The following PLXDC2 variants were observed in gnomAD, a reference collection of about 807,000 sequenced individuals.
PLXDC2 encodes plexin domain containing 2.
In PLXDC2, 40 loss-of-function variants were observed where a neutral mutation model predicts 68.9. That is an observed-to-expected ratio of 0.58 (90% CI 0.45 to 0.76). The LOEUF (loss-of-function observed/expected upper bound fraction) is 0.76. Ranked by LOEUF, PLXDC2 falls within the 30% of genes least tolerant of loss-of-function variation. PLXDC2 has a pLI of 0.00. For missense variants in PLXDC2, 644 were observed against 661.9 expected (o/e 0.97, Z 0.30); for synonymous variants, 243 against 234.2 (o/e 1.04, Z -0.34).
chr10:20,110,136 G>A (rs1382323926), intron 4 of PLXDC2, among the ~76,000 whole-genome samples: 2 of 152,194 alleles, frequency 1.3e-5, no homozygotes, highest in South Asian at 2.1e-4. Context: ...AGACTGCTCA[G>A]GAAGAAGACA....
intron 1 of PLXDC2, among the ~76,000 whole-genome samples, chr10:19,950,634 G>T (rs955256755): frequency 1.3e-5 from 2 of 152,094 alleles, no homozygotes; most frequent in Non-Finnish European, 2.9e-5. Context: ...ATTTTTGACA[G>T]AATTAGAACA....
intron 13 of PLXDC2, among the ~76,000 whole-genome samples, chr10:20,254,602 G>T (rs140746653): frequency 6.6e-6 from 1 of 152,008 alleles, no homozygotes; most frequent in Non-Finnish European, 1.5e-5. Context: ...CTTAGCCGAA[G>T]AAAAAGATGG....
intron 4 of PLXDC2, among the ~76,000 whole-genome samples, chr10:20,115,961 C>A (rs1301259720): frequency 2.0e-5 from 3 of 152,098 alleles, no homozygotes; most frequent in South Asian, 2.1e-4. Flanking sequence ...GCACGATGAC[C>A]CTTTTTATTC....
intron 2 of PLXDC2, among the ~76,000 whole-genome samples, chr10:20,032,738 C>T (rs1236741409): frequency 1.3e-5 from 2 of 151,860 alleles, no homozygotes; most frequent in Non-Finnish European, 2.9e-5. Context: ...GCTAGTGAAG[C>T]TACTCCATAT....
chr10:19,987,140 T>G (rs2131624669), intron 1 of PLXDC2, among the ~76,000 whole-genome samples: 1 of 152,246 alleles, frequency 6.6e-6, no homozygotes, highest in South Asian at 2.1e-4. Flanking sequence ...ACAAGTGAGG[T>G]TAATCCCATT....
chr10:20,166,437 G>A (rs956617562), intron 7 of PLXDC2, among the ~76,000 whole-genome samples: 2 of 152,190 alleles, frequency 1.3e-5, no homozygotes, highest in South Asian at 2.1e-4. Flanking sequence ...GTATGTGTAG[G>A]CAACATAAAG....
chr10:20,141,782 C>T (rs1834010128), intron 4 of PLXDC2, among the ~76,000 whole-genome samples: 1 of 151,890 alleles, frequency 6.6e-6, no homozygotes, highest in Non-Finnish European at 1.5e-5. Flanking sequence ...GACCAAATCA[C>T]CATAATATGT....
chr10:20,115,175 G>A (rs985307235), intron 4 of PLXDC2, among the ~76,000 whole-genome samples: 2 of 152,074 alleles, frequency 1.3e-5, no homozygotes, highest in Non-Finnish European at 2.9e-5. Flanking sequence ...ACCTGTCACC[G>A]GCACACCCAG....
intron 1 of PLXDC2, among the ~76,000 whole-genome samples, chr10:19,986,559 A>G (rs1834643994): frequency 8.0e-6 from 1 of 124,930 alleles, no homozygotes; most frequent in Non-Finnish European, 1.9e-5. Context: ...AAAGAAAAAG[A>G]AAAAGACATA....
chr10:20,161,995 C>G (rs1417053804), intron 6 of PLXDC2, among the ~76,000 whole-genome samples: 1 of 149,176 alleles, frequency 6.7e-6, no homozygotes, highest in African/African-American at 2.5e-5. Context: ...GCACTCCAGC[C>G]TGGACAACAA....
At position 19,904,530 on chromosome 10, in the gene PLXDC2, G is replaced by A. The variant is rs531356378; in HGVS notation, c.112+87339G>A. Among the ~76,000 whole-genome samples the A allele has an allele frequency of 3.9e-5, 6 of 152,106 alleles. No individual in the cohort carries two copies. The South Asian group carries it at 1.2e-3, about 32-fold the overall frequency. ...TTGAGTCTGTTTCCAGGCAACTGGT[G>A]ACCAGGGCTGAGAACTTCCCCAGAC... On this transcript the variant is annotated intron_variant, in intron 1 of 13. Transcript: ENST00000377252.
chr10:19,934,824 G>C (rs1286011963), intron 1 of PLXDC2, among the ~76,000 whole-genome samples: 1 of 152,092 alleles, frequency 6.6e-6, no homozygotes, highest in Admixed American at 6.5e-5. Context: ...ATAATGATAG[G>C]GTCTTCATCA....
At chr10:19,877,493 GT>G in intron 1 of PLXDC2, among the ~76,000 whole-genome samples, 1 of 152,210 alleles carries the variant, frequency 6.6e-6, no homozygotes, top group Non-Finnish European at 1.5e-5. Context: ...ATGTGACTAA[GT>G]TTTTGCCCAT....
intron 9 of PLXDC2, among the ~76,000 whole-genome samples, chr10:20,178,889 T>A (rs1338108702): frequency 6.6e-6 from 1 of 151,816 alleles, no homozygotes; most frequent in East Asian, 1.9e-4. Context: ...TTTGCAGTTT[T>A]AAAAGGAGAT....
chr10:19,877,534 C>T (rs918131384), intron 1 of PLXDC2, among the ~76,000 whole-genome samples: 2 of 152,152 alleles, frequency 1.3e-5, no homozygotes, highest in African/African-American at 4.8e-5. Flanking sequence ...TGCAAAATCT[C>T]TCTTACTTTT....
chr10:20,244,191 T>A (rs767830760), intron 12 of PLXDC2, among the ~76,000 whole-genome samples: 3 of 152,232 alleles, frequency 2.0e-5, no homozygotes, highest in Non-Finnish European at 4.4e-5. Context: ...GCACTTAAGA[T>A]ACAACTTACT....
chr10:19,961,525 A>AG (rs1435968021), intron 1 of PLXDC2, among the ~76,000 whole-genome samples: 4 of 152,260 alleles, frequency 2.6e-5, no homozygotes, highest in Non-Finnish European at 5.9e-5. Flanking sequence ...AGGGTTCAGC[A>AG]GGAATCGTTG....
chr10:19,851,238 T>C (rs969509911), intron 1 of PLXDC2, among the ~76,000 whole-genome samples: 2 of 152,194 alleles, frequency 1.3e-5, no homozygotes, highest in Non-Finnish European at 2.9e-5. Flanking sequence ...TAAAGTAACA[T>C]AGATTAGGGC....
intron 13 of PLXDC2, among the ~76,000 whole-genome samples, chr10:20,268,282 G>T (rs964526814): frequency 2.0e-5 from 3 of 152,072 alleles, no homozygotes; most frequent in African/African-American, 7.2e-5. Context: ...AAGTTCCTCA[G>T]ATTTAAAAAC....
Sources: gnomAD v4.1 joint callset for allele counts (sites outside exome capture counted in the v4.1 genomes callset) on GRCh38, gnomAD v4.1.1 for gene constraint, MANE v1.5 for transcripts, NCBI Gene and HGNC (gene_info 2026-07-23, HGNC 2026-07-21) for gene names.